The following RPS6KC1 variants were observed in gnomAD, a reference collection of about 807,000 sequenced individuals.
The protein encoded by RPS6KC1 is ribosomal protein S6 kinase C1, also known as inactive ribosomal protein S6 kinase delta-1.
In RPS6KC1, 54 loss-of-function variants were observed where a neutral mutation model predicts 103.8. The observed-to-expected ratio is 0.52, with a 90% CI of 0.42 to 0.65. The LOEUF (loss-of-function observed/expected upper bound fraction) is 0.65. Among genes scored for constraint, RPS6KC1 ranks in the 30% least tolerant of loss-of-function variants. The pLI, the probability that RPS6KC1 is intolerant of heterozygous loss-of-function variation, is 0.00. For missense variants in RPS6KC1, 1,151 were observed against 1,253.8 expected, an observed-to-expected ratio of 0.92 and a Z score of 1.24; for synonymous variants, 439 against 438.7, an observed-to-expected ratio of 1.00 and a Z score of -0.01.
intron 6 of RPS6KC1, among the ~76,000 whole-genome samples, chr1:213,151,956 G>T (rs1447121612): frequency 4.7e-5 from 6 of 128,862 alleles, no homozygotes; most frequent in Admixed American, 4.3e-4. Flanking sequence ...TCCCGGATGG[G>T]GCGGCTGGCC....
chr1:213,394,196 G>C, the RPS6KC1 span, among the ~76,000 whole-genome samples: 2 of 152,126 alleles, frequency 1.3e-5, no homozygotes, highest in Non-Finnish European at 2.9e-5. Context: ...TGGATTCCTG[G>C]AGCCTGCCTG....
chr1:213,331,604 C>T, the RPS6KC1 span, among the ~76,000 whole-genome samples: 1 of 152,220 alleles, frequency 6.6e-6, no homozygotes, highest in Non-Finnish European at 1.5e-5. Context: ...CTGTGCACTG[C>T]TTGTCTGTCA....
At chr1:213,682,534 A>G in the RPS6KC1 span, among the ~76,000 whole-genome samples, 19 of 152,220 alleles carry the variant, frequency 1.2e-4, no homozygotes, top group African/African-American at 4.6e-4. Flanking sequence ...TCAAAGATAG[A>G]TCAGAGATTT....
the RPS6KC1 span, among the ~76,000 whole-genome samples, chr1:213,769,224 G>C: frequency 1.3e-5 from 2 of 152,178 alleles, no homozygotes; most frequent in Non-Finnish European, 2.9e-5. Flanking sequence ...AGAAATGGGG[G>C]ACAGGAATTT....
the RPS6KC1 span, among the ~76,000 whole-genome samples, chr1:213,828,176 AG>A: frequency 6.6e-6 from 1 of 152,180 alleles, no homozygotes; most frequent in Non-Finnish European, 1.5e-5. Flanking sequence ...AAGCCAGATG[AG>A]GCCAGAGCTG....
At chr1:213,068,483 CAAAAAAAAAAA>C (rs71147057) in intron 1 of RPS6KC1, among the ~76,000 whole-genome samples, 3 of 36,362 alleles carry the variant, frequency 8.3e-5, no homozygotes, top group East Asian at 1.1e-3. Flanking sequence ...GACTCTGTCT[CAAAAAAAAAAA>C]AAAAAAAAAA....
the RPS6KC1 span, among the ~76,000 whole-genome samples, chr1:213,572,427 C>T: frequency 2.0e-5 from 3 of 152,316 alleles, no homozygotes; most frequent in South Asian, 2.1e-4. Flanking sequence ...AACCCACATG[C>T]GGGAAGCACA....
At chr1:213,173,931 T>C (rs1558475570) in intron 7 of RPS6KC1, among the ~76,000 whole-genome samples, 1 of 152,200 alleles carries the variant, frequency 6.6e-6, no homozygotes, top group African/African-American at 2.4e-5. Flanking sequence ...CTTTGGAAAC[T>C]GAAAGAAACA....
intron 3 of RPS6KC1, among the ~76,000 whole-genome samples, chr1:213,089,629 T>C (rs915368533): frequency 6.6e-6 from 1 of 152,022 alleles, no homozygotes; most frequent in Non-Finnish European, 1.5e-5. Flanking sequence ...ACCTGGCTAA[T>C]TTTTGTATTT....
the RPS6KC1 span, among the ~76,000 whole-genome samples, chr1:213,754,005 G>A: frequency 1.3e-5 from 2 of 152,098 alleles, no homozygotes; most frequent in African/African-American, 4.8e-5. Flanking sequence ...AGAGGAGATG[G>A]GAGTACATGG....
At chr1:213,538,642 C>T in the RPS6KC1 span, among the ~76,000 whole-genome samples, 19 of 152,158 alleles carry the variant, frequency 1.2e-4, no homozygotes, top group African/African-American at 4.6e-4. Flanking sequence ...TCAGGTTGGG[C>T]AGAGGGTGCA....
At chr1:213,264,015 A>G (rs2094859475) in intron 14 of RPS6KC1, among the ~76,000 whole-genome samples, 1 of 152,156 alleles carries the variant, frequency 6.6e-6, no homozygotes, top group South Asian at 2.1e-4. Flanking sequence ...AGTTTAGGAA[A>G]CAAAGTTTGA....
chr1:213,479,194 C>G, the RPS6KC1 span, among the ~76,000 whole-genome samples: 35 of 152,004 alleles, frequency 2.3e-4, no homozygotes, highest in Non-Finnish European at 4.4e-4. Flanking sequence ...ATTAACGAAG[C>G]TTCAGTGTCT....
chr1:213,781,978 A>G, the RPS6KC1 span, among the ~76,000 whole-genome samples: 5 of 152,182 alleles, frequency 3.3e-5, no homozygotes, highest in Non-Finnish European at 7.3e-5. Flanking sequence ...CAGCTGTTGG[A>G]AAAAACTCTA....
chr1:213,811,492 A>G, the RPS6KC1 span, among the ~76,000 whole-genome samples: 1 of 152,190 alleles, frequency 6.6e-6, no homozygotes. Flanking sequence ...ATAGCACAAA[A>G]CAGAATGTGG....
At chr1:213,586,325 C>T in the RPS6KC1 span, among the ~76,000 whole-genome samples, 1 of 152,182 alleles carries the variant, frequency 6.6e-6, no homozygotes, top group African/African-American at 2.4e-5. Flanking sequence ...GCCCCTGGCT[C>T]GGCCACACCG....
In RPS6KC1 at chr1:213,069,171, G is replaced by A. The variant is rs566185282; in HGVS notation, c.106-1835G>A. Among the ~76,000 whole-genome samples the A allele has an allele frequency of 2.0e-5, 3 of 152,274 alleles. No individual in the cohort carries two copies. In the South Asian group the frequency reaches 6.2e-4, roughly 32 times the overall value. ...CACACACATGTGGCTAGTGGTGGCT[G>A]TGTTGAACACTGCAAATAGAGAACC... On this transcript the variant is annotated intron_variant, in intron 1 of 14. Transcript: ENST00000366960.
At chr1:213,430,073 G>GAA in the RPS6KC1 span, among the ~76,000 whole-genome samples, 1 of 152,186 alleles carries the variant, frequency 6.6e-6, no homozygotes, top group African/African-American at 2.4e-5. Flanking sequence ...CTAGTGCCAG[G>GAA]TGAGCCTTCG....
Position 213,098,264 on chromosome 1 carries a change from T to G in RPS6KC1, c.263-6190T>G, listed in dbSNP as rs375504794. 7.9e-5 allele frequency among the ~76,000 whole-genome samples: 12 copies of G among 151,500 alleles called. No individual in the cohort carries two copies. In the East Asian group the frequency reaches 1.6e-3, roughly 20 times the overall value. On this transcript the variant is annotated intron_variant, in intron 3 of 14. Transcript: ENST00000366960. ...CTGAATATCTGGGACTACAGGGGAC[T>G]ACAGGCATACTACAGGCATGTGCCA...
Sources: gnomAD v4.1 joint callset for allele counts (sites outside exome capture counted in the v4.1 genomes callset) on GRCh38, gnomAD v4.1.1 for gene constraint, MANE v1.5 for transcripts, NCBI Gene and HGNC (gene_info 2026-07-23, HGNC 2026-07-21) for gene names.